SNX22: variants seen among roughly 807,000 people sequenced by gnomAD.
SNX22 encodes sorting nexin-22.
SNX22 carries 23 observed loss-of-function variants against 24.7 expected under a neutral mutation model. The observed-to-expected ratio is 0.93, with a 90% CI of 0.67 to 1.32. The LOEUF (loss-of-function observed/expected upper bound fraction) is 1.32, where lower values mean the gene tolerates loss of function less well. Ranked by LOEUF, SNX22 falls within the 40% of genes most tolerant of loss-of-function variation. SNX22 has a pLI of 0.00. For missense variants in SNX22, 261 were observed against 249.9 expected, an observed-to-expected ratio of 1.04 and a Z score of -0.30; for synonymous variants, 99 against 104.0, an observed-to-expected ratio of 0.95 and a Z score of 0.29.
At chr15:64,153,792 T>G in intron 5 of SNX22, 108 bp downstream of exon 5, 6 of 1,598,862 alleles carry the variant, frequency 3.8e-6, no homozygotes, top group Non-Finnish European at 5.1e-6. Context: ...CTGAAGTCTG[T>G]TTTCCCTTTG....
Position 64,156,107 on chromosome 15 carries a change from G to GCTGT in SNX22, c.*1606_*1609dup. The stretch of plus-strand genomic sequence containing the variant: ...TCACATCCTTCAGGGGTTTATCCCG[G>GCTGT]CTGTCTGTCTTGGTGCTCTCCACCT... On this transcript the variant is annotated 3_prime_UTR_variant, in exon 7 of 7. Transcript: ENST00000325881. The surrounding 1 kb of genome is among the most constrained non-coding windows in gnomAD (Gnocchi z 6.4). 4 of 1,614,200 alleles carry GCTGT rather than the reference G, an allele frequency of 2.5e-6. No homozygotes were observed. The highest frequency in any genetic ancestry group is 3.4e-6 in the Non-Finnish European group (4 of 1,180,030).
At chr15:64,152,409 C>G (rs2081493359) in intron 2 of SNX22, 83 bp downstream of exon 2, 1 of 1,389,924 alleles carries the variant, frequency 7.2e-7, no homozygotes, top group Non-Finnish European at 9.6e-7. Flanking sequence ...GGCGGGCGAG[C>G]CCCAGCCTCC....
Position 64,155,926 on chromosome 15 carries a change from C to T in SNX22, c.*1418C>T. On this transcript the variant is annotated 3_prime_UTR_variant, in exon 7 of 7. Coordinates refer to ENST00000325881, the MANE Select transcript of SNX22 (RefSeq NM_024798.3). ...GAATGTGAGGGGAGTGGGTCCGCTC[C>T]ACCAGATGCCAGCACCGGGGCCAGT... 1.3e-6 allele frequency: 2 copies of T among 1,590,132 alleles called. No homozygotes were observed. The highest frequency in any genetic ancestry group is 1.1e-5 in the South Asian group (1 of 90,446).
rs894637869 is a variant in SNX22 at position 64,151,868 on chromosome 15, A to C, written c.75+18A>C. On this transcript the variant is annotated intron_variant, in intron 1 of 6. Transcript: ENST00000325881. The stretch of plus-strand genomic sequence containing the variant: ...GCCACATGGTGAGCGCGGCCCCTGG[A>C]TGGGGAGGGGCGCCGGGACCCGCAG... 2 of 1,525,992 alleles carry C rather than the reference A, an allele frequency of 1.3e-6. No individual in the cohort carries two copies. The highest frequency in any genetic ancestry group is 2.8e-5 in the African/African-American group (2 of 70,546). 94.5% of individuals were successfully genotyped at this position (1,525,992 alleles called of 1,614,324 possible). A position where few individuals can be genotyped will look rare whatever the true frequency, so the allele number is the denominator to read the frequency against.
Position 64,155,325 on chromosome 15 carries a change from T to G in SNX22, c.*817T>G, listed in dbSNP as rs2081520028. 6.6e-6 allele frequency: 1 copy of G among 152,248 alleles called. No homozygotes were observed. Among genetic ancestry groups the G allele is most frequent in the African/African-American group, 2.4e-5 (1 of 41,180 alleles). 9.4% of individuals were successfully genotyped at this position (152,248 alleles called of 1,614,324 possible). A position where few individuals can be genotyped will look rare whatever the true frequency, so the allele number is the denominator to read the frequency against. The stretch of plus-strand genomic sequence containing the variant: ...TTGTGGTGAGCCGAGATCGCGCCAC[T>G]GCACTCCAGCCTGGGCAACAAGAGT... On this transcript the variant is annotated 3_prime_UTR_variant, in exon 7 of 7. Coordinates refer to ENST00000325881, the MANE Select transcript of SNX22 (RefSeq NM_024798.3).
Position 64,154,011 on chromosome 15 carries a change from G to A in SNX22, c.460+9G>A, listed in dbSNP as rs763720124. ...TTGCAACCCCTCCCCAGGTGAGGAG[G>A]TGCCTAGATATGGGGCTACAGGGCT... On this transcript the variant is annotated intron_variant, in intron 6 of 6. Coordinates refer to ENST00000325881, the MANE Select transcript of SNX22 (RefSeq NM_024798.3). 5.6e-6 allele frequency: 9 copies of A among 1,614,120 alleles called. 1 individual carries two copies. The South Asian group carries it at 8.8e-5, about 16-fold the overall frequency.
At chr15:64,152,065 G>A in intron 1 of SNX22, 178 bp from the exon 2 acceptor site, 2 of 768,110 alleles carry the variant, frequency 2.6e-6, no homozygotes, top group East Asian at 3.3e-5. Context: ...CCGAGGGGCA[G>A]GTCCGCCAGC....
rs140759049 is a variant in SNX22, at chr15:64,155,681, T to C, written c.*1173T>C. 3,545 of 326,996 alleles carry C rather than the reference T, an allele frequency of 0.011. 40 individuals carry two copies. The highest frequency in any genetic ancestry group is 0.017 in the Non-Finnish European group (2,813 of 170,028). 20.3% of individuals were successfully genotyped at this position (326,996 alleles called of 1,614,324 possible). On this transcript the variant is annotated 3_prime_UTR_variant, in exon 7 of 7. Coordinates refer to ENST00000325881, the MANE Select transcript of SNX22 (RefSeq NM_024798.3). ...AAGCTCCTGCCTGACTTTTCCTGGG[T>C]AGCTCCTGGGTCAAAATTTCAGGCA... is the stretch of plus-strand genomic sequence containing the variant.
intron 6 of SNX22, 178 bp downstream of exon 6, chr15:64,154,180 G>C (rs764378367): frequency 2.8e-5 from 44 of 1,573,542 alleles, no homozygotes; most frequent in Non-Finnish European, 2.8e-5. Flanking sequence ...TGGCTTCCCT[G>C]GTCTCCATTT....
In SNX22 at chr15:64,155,872, T is replaced by C. The variant is rs1444307906; in HGVS notation, c.*1364T>C. 4 of 1,178,908 alleles carry C rather than the reference T, an allele frequency of 3.4e-6. No individual in the cohort carries two copies. Among genetic ancestry groups the C allele is most frequent in the Admixed American group, 1.8e-5 (1 of 56,096 alleles). 73.0% of individuals were successfully genotyped at this position (1,178,908 alleles called of 1,614,324 possible). The stretch of plus-strand genomic sequence containing the variant: ...TTATTGGTCAGTGTTGGTAGGAGTT[T>C]GTTACAAAAGTGAGTCCATGGGCCT... On this transcript the variant is annotated 3_prime_UTR_variant, in exon 7 of 7. Transcript: ENST00000325881.
At position 64,155,854 on chromosome 15, in the gene SNX22, T is replaced by A; in HGVS notation, c.*1346T>A. 1 of 913,024 alleles carries A rather than the reference T, an allele frequency of 1.1e-6. No homozygotes were observed. Among genetic ancestry groups the A allele is most frequent in the Non-Finnish European group, 1.7e-6 (1 of 594,964 alleles). 56.6% of individuals were successfully genotyped at this position (913,024 alleles called of 1,614,324 possible). ...AAAAACCCACATTTTTTTTTATTGG[T>A]CAGTGTTGGTAGGAGTTTGTTACAA... On this transcript the variant is annotated 3_prime_UTR_variant, in exon 7 of 7. Transcript: ENST00000325881.
intron 5 of SNX22, 89 bp from the exon 6 acceptor site, chr15:64,153,846 T>C: frequency 6.3e-7 from 1 of 1,590,606 alleles, no homozygotes; most frequent in East Asian, 2.2e-5. Context: ...CCTTCATGGG[T>C]CCCTGGTGAT....
chr15:64,152,057 G>A (rs879877885), intron 1 of SNX22, 186 bp from the exon 2 acceptor site: 11 of 757,368 alleles, frequency 1.5e-5, no homozygotes, highest in African/African-American at 3.7e-5. Context: ...CCAGGGCTCC[G>A]AGGGGCAGGT....
chr15:64,154,573 T>G lies in SNX22; in HGVS notation c.*65T>G. 6.3e-7 allele frequency: 1 copy of G among 1,581,754 alleles called. No individual in the cohort carries two copies. Among genetic ancestry groups the G allele is most frequent in the Non-Finnish European group, 8.6e-7 (1 of 1,160,280 alleles). The stretch of plus-strand genomic sequence containing the variant: ...GTGCCTCTGTCCTATGAACTCCATA[T>G]AAGGCTGGGTCCTCCTTTGGCCTGG... On this transcript the variant is annotated 3_prime_UTR_variant, in exon 7 of 7. Transcript: ENST00000325881.
intron 1 of SNX22, 124 bp from the exon 2 acceptor site, chr15:64,152,119 G>A: frequency 1.9e-6 from 2 of 1,028,128 alleles, no homozygotes; most frequent in Non-Finnish European, 2.6e-6. Flanking sequence ...CCGGGCAGCC[G>A]CGGCGCCGCA....
chr15:64,154,213 C>A, intron 6 of SNX22, 174 bp from the exon 7 acceptor site: 1 of 1,577,486 alleles, frequency 6.3e-7, no homozygotes, highest in Non-Finnish European at 8.6e-7. Context: ...GACTTCTTTA[C>A]CAAGCTGATG....
chr15:64,152,472 C>T, intron 2 of SNX22, 146 bp downstream of exon 2: 2 of 1,228,204 alleles, frequency 1.6e-6, no homozygotes, highest in Non-Finnish European at 2.3e-6. Flanking sequence ...CCCCGGGCCT[C>T]TGTGGGTGGG....
intron 1 of SNX22, 87 bp from the exon 2 acceptor site, chr15:64,152,156 G>A (rs2081490725): frequency 2.4e-6 from 3 of 1,233,284 alleles, no homozygotes; most frequent in African/African-American, 1.6e-5. Context: ...TTGAGAGCGG[G>A]AGGGTGGGCA....
intron 2 of SNX22, 156 bp downstream of exon 2, chr15:64,152,482 G>T: frequency 8.4e-7 from 1 of 1,196,194 alleles, no homozygotes; most frequent in Non-Finnish European, 1.2e-6. Context: ...CTGTGGGTGG[G>T]TTGGGGCCTT....
Sources: allele counts gnomAD v4.1 joint callset, GRCh38; gene constraint gnomAD v4.1.1; non-coding constraint Gnocchi (gnomAD v3.1); transcripts MANE v1.5; gene names NCBI Gene and HGNC (gene_info 2026-07-23, HGNC 2026-07-21).